Variants in ZNF468 observed in about 807,000 individuals in gnomAD.
ZNF468 encodes zinc finger protein 468.
A neutral mutation model predicts 7.2 loss-of-function variants in ZNF468; 8 were observed. The ratio of observed to expected loss-of-function variants is 1.11; its 90% CI spans 0.65 to 2.01. The LOEUF (loss-of-function observed/expected upper bound fraction) is 2.01, where lower values mean the gene tolerates loss of function less well. Among genes scored for constraint, ZNF468 ranks in the 30% most tolerant of loss-of-function variants. The probability of loss-of-function intolerance (pLI) is 0.00; values close to 1 mark genes in which losing one functional copy is unlikely to be tolerated. For missense variants in ZNF468, 608 were observed against 626.5 expected (o/e 0.97, Z 0.31); for synonymous variants, 218 against 214.4 (o/e 1.02, Z -0.15).
rs761221140 is a variant in ZNF468, at chr19:52,841,598, T to C, written c.696A>G (p.Lys232=). ...KSFNCSSLLK[K]HQIIHLEEKQ... ...TCTCTTCTAAGTGAATTATCTGATG[T>C]TTTTTTAAGAGTGAGCTGCAATTAA... is the stretch of plus-strand genomic sequence containing the variant. The change falls in exon 4 of 4, where the codon AAA becomes AAG. Residue 232 remains lysine (K), a synonymous_variant. Coordinates refer to ENST00000595646, the MANE Select transcript of ZNF468 (RefSeq NM_001008801.2). The C allele has an allele frequency of 3.7e-6, 6 of 1,613,950 alleles. No homozygotes were observed. The African/African-American group carries it at 6.7e-5, about 18-fold the overall frequency.
chr19:52,849,558 A>G (rs969320270), intron 2 of ZNF468: 92 of 261,188 alleles, frequency 3.5e-4, no homozygotes, highest in African/African-American at 1.1e-3. Context: ...CACAACTGAT[A>G]TCTTAAAAGA....
intron 2 of ZNF468, among the ~76,000 whole-genome samples, chr19:52,850,621 C>T (rs1014855346): frequency 9.9e-5 from 15 of 152,062 alleles, no homozygotes; most frequent in African/African-American, 2.4e-4. Flanking sequence ...TATTATGGGC[C>T]GGGCGCGGTG....
intron 1 of ZNF468, 88 bp from the exon 2 acceptor site, chr19:52,854,433 T>A: frequency 7.5e-7 from 1 of 1,337,682 alleles, no homozygotes; most frequent in Non-Finnish European, 1.0e-6. Flanking sequence ...GACCTCACCC[T>A]GGGAAATACG....
Position 52,844,006 on chromosome 19 carries a change from C to T in ZNF468, c.143-1855G>A, listed in dbSNP as rs2063324863. On this transcript the variant is annotated intron_variant, in intron 3 of 3. Transcript: ENST00000595646. ...GCATGAAGGAAGACGCCTGTAATCC[C>T]AGCTACTTGGGAATCTGAGGCAGGA... Among the ~76,000 whole-genome samples, 3 of 152,160 alleles carry T rather than the reference C, an allele frequency of 2.0e-5. No homozygotes were observed. In the South Asian group the frequency reaches 6.2e-4, roughly 31 times the overall value.
Position 52,839,110 on chromosome 19 carries a change from G to A in ZNF468, c.*1615C>T, listed in dbSNP as rs2063272569. The A allele has an allele frequency of 6.5e-6, 1 of 152,982 alleles. No individual in the cohort carries two copies. Among genetic ancestry groups the A allele is most frequent in the African/African-American group, 2.4e-5 (1 of 41,378 alleles). 9.5% of individuals were successfully genotyped at this position (152,982 alleles called of 1,614,324 possible). A position where few individuals can be genotyped will look rare whatever the true frequency, so the allele number is the denominator to read the frequency against. Reference sequence around the variant, plus strand: ...TACTAAAAACACAAAAAATTACCCAGGTGTGGTGGCACACAACTGTAGTGT... The same window carrying A: ...TACTAAAAACACAAAAAATTACCCAAGTGTGGTGGCACACAACTGTAGTGT... On this transcript the variant is annotated 3_prime_UTR_variant, in exon 4 of 4. Coordinates refer to ENST00000595646, the MANE Select transcript of ZNF468 (RefSeq NM_001008801.2).
chr19:52,841,094 T>G lies in ZNF468; in HGVS notation c.1200A>C (p.Arg400Ser). 1 of 1,613,858 alleles carries G rather than the reference T, an allele frequency of 6.2e-7. No individual in the cohort carries two copies. The highest frequency in any genetic ancestry group is 1.1e-5 in the South Asian group (1 of 91,056). ...KVFSRKSHLERHRRIHSGEKP... is the reference protein window; with the variant it reads ...KVFSRKSHLESHRRIHSGEKP... ...TCTCTCCACTATGAATCCTCCTATG[T>G]CTTTCAAGGTGTGATTTGCGACTGA... Residue 400 changes from arginine to serine, a missense_variant, in exon 4 of 4, where the codon AGA (arginine) becomes AGC (serine). Transcript: ENST00000595646.
Position 52,849,086 on chromosome 19 carries a change from C to A in ZNF468, c.142+1G>T. The A allele has an allele frequency of 6.2e-7, 1 of 1,613,772 alleles. No homozygotes were observed. On this transcript the variant is annotated splice_donor_variant, in intron 3 of 3. Coordinates refer to ENST00000595646, the MANE Select transcript of ZNF468 (RefSeq NM_001008801.2). LOFTEE classifies it high-confidence loss of function. The stretch of plus-strand genomic sequence containing the variant: ...ATCCCCAGGAGGGAAGTTATCCTCA[C>A]CCAGGGAGACGAGGTTCCTATAATT...
chr19:52,841,027 T>C lies in ZNF468; in HGVS notation c.1267A>G (p.Lys423Glu). Residue 423 changes from lysine (K) to glutamate (E), a missense_variant, in exon 4 of 4, where the codon AAA becomes GAA. Physicochemically the swap from Lys to Glu is moderately conservative, Grantham distance 56. Coordinates refer to ENST00000595646, the MANE Select transcript of ZNF468 (RefSeq NM_001008801.2). ...CEECCKVFSR[K>E]SNLERHRRIH... ...CTCCTGTGTCTTTCCAGGTTTGATT[T>C]GCGACTGAAAACTTTGCAACATTCT... 5 of 1,613,106 alleles carry C rather than the reference T, an allele frequency of 3.1e-6. No individual in the cohort carries two copies. Among genetic ancestry groups the C allele is most frequent in the Non-Finnish European group, 4.2e-6 (5 of 1,179,326 alleles).
chr19:52,848,467 C>T (rs2147736222), intron 3 of ZNF468, among the ~76,000 whole-genome samples: 1 of 152,278 alleles, frequency 6.6e-6, no homozygotes, highest in South Asian at 2.1e-4. Flanking sequence ...AATATGTGGA[C>T]ATCAAGCTCT....
At chr19:52,854,143 G>C in intron 2 of ZNF468, 115 bp downstream of exon 2, 1 of 1,597,996 alleles carries the variant, frequency 6.3e-7, no homozygotes, top group Non-Finnish European at 8.5e-7. Context: ...GAAGGCATAA[G>C]TGAGGGTGAG....
At chr19:52,851,036 A>G (rs867457099) in intron 2 of ZNF468, among the ~76,000 whole-genome samples, 1 of 152,050 alleles carries the variant, frequency 6.6e-6, no homozygotes, top group Non-Finnish European at 1.5e-5. Flanking sequence ...ATTCTGTGCG[A>G]CTGAAGCAGA....
chr19:52,845,107 C>A lies in ZNF468; in HGVS notation c.143-2956G>T, dbSNP rs569193509. On this transcript the variant is annotated intron_variant, in intron 3 of 3. Transcript: ENST00000595646. ...CACCAGGTCAGGAGATTGAGACCAT[C>A]CTGGCTAACAAGCTGAAACTCCGTC... 2 of 150,984 alleles carry A rather than the reference C, an allele frequency of 1.3e-5. 1 individual carries two copies. The highest frequency in any genetic ancestry group is 4.2e-4 in the South Asian group (2 of 4,776). The allele number at this position is 150,984 out of a possible 1,614,324, so 9.4% of individuals were successfully genotyped here.
intron 2 of ZNF468, among the ~76,000 whole-genome samples, chr19:52,853,442 A>C (rs571406761): frequency 3.9e-5 from 6 of 152,242 alleles, no homozygotes; most frequent in African/African-American, 1.2e-4. Context: ...TAATCCCAAC[A>C]CACTGGGGGG....
chr19:52,857,207 G>T (rs1220257306), intron 1 of ZNF468, among the ~76,000 whole-genome samples: 1 of 151,984 alleles, frequency 6.6e-6, no homozygotes, highest in African/African-American at 2.4e-5. Context: ...GGGTCGCCGC[G>T]CTGTGCTCCA....
At chr19:52,852,901 C>G (rs1187707193) in intron 2 of ZNF468, among the ~76,000 whole-genome samples, 1 of 151,126 alleles carries the variant, frequency 6.6e-6, no homozygotes, top group Non-Finnish European at 1.5e-5. Flanking sequence ...GTTGCCCAGG[C>G]TGGAGTGCAG....
Position 52,840,735 on chromosome 19 carries a change from T to C in ZNF468, c.1559A>G (p.Glu520Gly). 1 of 1,613,918 alleles carries C rather than the reference T, an allele frequency of 6.2e-7. No homozygotes were observed. The highest frequency in any genetic ancestry group is 8.5e-7 in the Non-Finnish European group (1 of 1,179,926). The part of the protein sequence containing the change: ...LVYHHRLHSG[E>G]KP ...ACACTCATTACACTATTAAGGCTTC[T>C]CTCCACTATGAAGCCTATGATGGTA... Residue 520 changes from glutamate to glycine, a missense_variant, in exon 4 of 4, where the codon GAG becomes GGG. Glu to Gly is a moderately conservative substitution (Grantham distance 98, BLOSUM62 -2). Transcript: ENST00000595646.
chr19:52,840,320 T>G lies in ZNF468; in HGVS notation c.*405A>C. 2.4e-6 allele frequency: 1 copy of G among 424,184 alleles called. No homozygotes were observed. Among genetic ancestry groups the G allele is most frequent in the Admixed American group, 3.6e-5 (1 of 27,746 alleles). 26.3% of individuals were successfully genotyped at this position (424,184 alleles called of 1,614,324 possible). On this transcript the variant is annotated 3_prime_UTR_variant, in exon 4 of 4. Transcript: ENST00000595646. ...TCTCTCCACTATGAATTACAAGGTG[T>G]GAATTTTGACCTTTTAATTACAAGG...
chr19:52,849,053 A>G, intron 3 of ZNF468, 34 bp downstream of exon 3: 1 of 1,609,964 alleles, frequency 6.2e-7, no homozygotes, highest in African/African-American at 1.3e-5. Flanking sequence ...AAAAATACAC[A>G]AGGGCACATC....
chr19:52,849,798 G>T (rs1003416508), intron 2 of ZNF468, among the ~76,000 whole-genome samples: 1 of 150,986 alleles, frequency 6.6e-6, no homozygotes, highest in Non-Finnish European at 1.5e-5. Flanking sequence ...CAGCTACTTG[G>T]AAGGGTAAAG....
Sources: allele counts gnomAD v4.1 joint callset (sites outside exome capture counted in the v4.1 genomes callset), GRCh38; gene constraint gnomAD v4.1.1; transcripts MANE v1.5; gene names NCBI Gene and HGNC (gene_info 2026-07-23, HGNC 2026-07-21).